ST8SIA5: variants seen among roughly 807,000 people sequenced by gnomAD.
ST8SIA5 encodes the protein ST8 alpha-N-acetyl-neuraminide alpha-2,8-sialyltransferase 5, also known as alpha-2,8-sialyltransferase 8E.
In ST8SIA5, 24 loss-of-function variants were observed where a neutral mutation model predicts 40.2. The ratio of observed to expected loss-of-function variants is 0.60; its 90% CI spans 0.43 to 0.84. The LOEUF (loss-of-function observed/expected upper bound fraction) is 0.84. Ranked by LOEUF, ST8SIA5 falls within the 40% of genes least tolerant of loss-of-function variation. The probability of loss-of-function intolerance (pLI) is 0.00; values close to 1 mark genes in which losing one functional copy is unlikely to be tolerated. For synonymous variants in ST8SIA5, 198 were observed against 201.8 expected (o/e 0.98, Z 0.16); for missense variants, 465 against 498.5 (o/e 0.93, Z 0.64).
chr18:46,733,720 G>C (rs181935462), intron 1 of ST8SIA5, among the ~76,000 whole-genome samples: 243 of 152,300 alleles, frequency 1.6e-3, no homozygotes, highest in South Asian at 4.8e-3. Flanking sequence ...TGGGTGATGA[G>C]GGGCCAGCCC....
chr18:46,702,836 G>A (rs768289081), intron 2 of ST8SIA5, among the ~76,000 whole-genome samples: 1 of 152,256 alleles, frequency 6.6e-6, no homozygotes, highest in South Asian at 2.1e-4. Context: ...TCAGCTCAGG[G>A]CTCAGTGAAA....
rs151143110 is a variant in ST8SIA5 at position 46,742,808 on chromosome 18, G to T, written c.131+13570C>A. ...TAGCCTAACTGGGAGACACCTCCCA[G>T]TAGGGACTGACAGACACCTCATACA... On this transcript the variant is annotated intron_variant, in intron 1 of 6. Transcript: ENST00000315087. 6.2e-3 allele frequency among the ~76,000 whole-genome samples: 950 copies of T among 152,306 alleles called. 9 individuals are homozygous for T. The highest frequency in any genetic ancestry group is 0.017 in the Middle Eastern group (5 of 294).
chr18:46,734,409 C>T (rs1251843966), intron 1 of ST8SIA5, among the ~76,000 whole-genome samples: 2 of 152,008 alleles, frequency 1.3e-5, no homozygotes, highest in Non-Finnish European at 2.9e-5. Flanking sequence ...CTCCCCCCAC[C>T]CCTGCTCTCC....
Position 46,704,680 on chromosome 18 carries a change from G to A in ST8SIA5, c.132-16C>T, listed in dbSNP as rs1256075350. 1.2e-6 allele frequency: 2 copies of A among 1,607,240 alleles called. No homozygotes were observed. Among genetic ancestry groups the A allele is most frequent in the Non-Finnish European group, 1.7e-6 (2 of 1,173,750 alleles). On this transcript the variant is annotated splice_polypyrimidine_tract_variant and intron_variant, in intron 1 of 6. Coordinates refer to ENST00000315087, the MANE Select transcript of ST8SIA5 (RefSeq NM_013305.6). ...TTCAAAGTACCTGGGGACCAACAGA[G>A]ACAGGTTAAACAGAGAAGCAGGTCA... is the stretch of plus-strand genomic sequence containing the variant.
Position 46,756,407 on chromosome 18 carries a change from C to A in ST8SIA5, c.102G>T (p.Gln34His). 2.5e-6 allele frequency: 4 copies of A among 1,613,088 alleles called. No individual in the cohort carries two copies. Among genetic ancestry groups the A allele is most frequent in the Non-Finnish European group, 2.5e-6 (3 of 1,179,280 alleles). The change falls in exon 1 of 7, where the codon CAG becomes CAT. Residue 34 changes from glutamine to histidine, a missense_variant. Gln to His is a conservative substitution (Grantham distance 24). Coordinates refer to ENST00000315087, the MANE Select transcript of ST8SIA5 (RefSeq NM_013305.6). ...CAFALVTLLQQILYGRNYIKR... is the reference protein window; with the variant it reads ...CAFALVTLLQHILYGRNYIKR... ...TAATGTAGTTCCTGCCATACAGGAT[C>A]TGTTGCAGCAAGGTCACCAAGGCAA...
At chr18:46,736,834 C>T (rs2040039252) in intron 1 of ST8SIA5, among the ~76,000 whole-genome samples, 1 of 152,026 alleles carries the variant, frequency 6.6e-6, no homozygotes, top group Non-Finnish European at 1.5e-5. Context: ...CATTAAACCC[C>T]CAGAACCCCC....
At chr18:46,749,387 G>T (rs2040173870) in intron 1 of ST8SIA5, among the ~76,000 whole-genome samples, 1 of 152,138 alleles carries the variant, frequency 6.6e-6, no homozygotes, top group African/African-American at 2.4e-5. Flanking sequence ...GTCAAAAAAA[G>T]AAAGAAGAAA....
intron 3 of ST8SIA5, among the ~76,000 whole-genome samples, chr18:46,690,253 T>C (rs1452720179): frequency 6.6e-6 from 1 of 152,196 alleles, no homozygotes; most frequent in Non-Finnish European, 1.5e-5. Flanking sequence ...CAGGATTCAT[T>C]TCCTGTAATT....
intron 2 of ST8SIA5, among the ~76,000 whole-genome samples, chr18:46,695,912 A>G (rs1021517745): frequency 6.6e-6 from 1 of 152,236 alleles, no homozygotes; most frequent in Non-Finnish European, 1.5e-5. Context: ...CCTTGCTTCC[A>G]TGGAGCTTAC....
intron 1 of ST8SIA5, among the ~76,000 whole-genome samples, chr18:46,745,237 G>A (rs1271378514): frequency 6.6e-6 from 1 of 152,072 alleles, no homozygotes; most frequent in African/African-American, 2.4e-5. Context: ...GAAGGAGATA[G>A]AGACACAAAA....
At chr18:46,691,990 G>A in intron 3 of ST8SIA5, 179 bp downstream of exon 3, 1 of 636,254 alleles carries the variant, frequency 1.6e-6, no homozygotes. Flanking sequence ...CAAGGTGCCT[G>A]CCTCAGCCTG....
intron 1 of ST8SIA5, among the ~76,000 whole-genome samples, chr18:46,749,099 C>A (rs1037835087): frequency 6.6e-6 from 1 of 152,118 alleles, no homozygotes; most frequent in African/African-American, 2.4e-5. Context: ...TGAAAGATGT[C>A]AATCACATAG....
chr18:46,717,576 T>C (rs1378497220), intron 1 of ST8SIA5, among the ~76,000 whole-genome samples: 2 of 152,122 alleles, frequency 1.3e-5, no homozygotes. Flanking sequence ...CAACTGTCAG[T>C]CTTCCTTTTC....
chr18:46,689,017 G>A (rs1404785668), intron 3 of ST8SIA5, 98 bp from the exon 4 acceptor site: 6 of 1,422,854 alleles, frequency 4.2e-6, no homozygotes, highest in African/African-American at 1.4e-5. Context: ...TGGAGCCGAG[G>A]CCTCTCCTGC....
At chr18:46,712,892 C>CACTCTGG in intron 1 of ST8SIA5, among the ~76,000 whole-genome samples, 1 of 152,294 alleles carries the variant, frequency 6.6e-6, no homozygotes, top group Non-Finnish European at 1.5e-5. Flanking sequence ...CTAGGAAGGC[C>CACTCTGG]ACTCTGGACA....
intron 1 of ST8SIA5, among the ~76,000 whole-genome samples, chr18:46,745,929 C>T (rs189049366): frequency 6.6e-6 from 1 of 152,266 alleles, no homozygotes; most frequent in African/African-American, 2.4e-5. Flanking sequence ...AATCAATAAA[C>T]GTAATCCATC....
chr18:46,683,228 A>AG (rs2144462945), intron 5 of ST8SIA5, among the ~76,000 whole-genome samples: 1 of 152,332 alleles, frequency 6.6e-6, no homozygotes, highest in South Asian at 2.1e-4. Flanking sequence ...GTTGATACAA[A>AG]GGCACCATAC....
chr18:46,682,852 G>C (rs2039411193), intron 5 of ST8SIA5, among the ~76,000 whole-genome samples: 2 of 152,200 alleles, frequency 1.3e-5, no homozygotes, highest in African/African-American at 4.8e-5. Flanking sequence ...TGTGGGCTTT[G>C]CCATGAGCCA....
intron 2 of ST8SIA5, among the ~76,000 whole-genome samples, chr18:46,703,090 TG>T (rs1236382941): frequency 2.0e-5 from 3 of 152,268 alleles, no homozygotes; most frequent in Non-Finnish European, 4.4e-5. Context: ...TGAACACCTA[TG>T]ATGTGCGCTA....
Sources: gnomAD v4.1 joint callset for allele counts (sites outside exome capture counted in the v4.1 genomes callset) on GRCh38, gnomAD v4.1.1 for gene constraint, MANE v1.5 for transcripts, NCBI Gene and HGNC (gene_info 2026-07-23, HGNC 2026-07-21) for gene names.